TAFA2: variants seen among roughly 807,000 people sequenced by gnomAD.
TAFA2 encodes chemokine-like protein TAFA-2.
TAFA2 carries 7 observed loss-of-function variants against 18.8 expected under a neutral mutation model. The observed-to-expected ratio is 0.37, with a 90% confidence interval of 0.21 to 0.70. The LOEUF (loss-of-function observed/expected upper bound fraction) is 0.70. Among genes scored for constraint, TAFA2 ranks in the 30% least tolerant of loss-of-function variants. The probability of loss-of-function intolerance (pLI) is 0.53; values close to 1 mark genes in which losing one functional copy is unlikely to be tolerated. For missense variants in TAFA2, 122 were observed against 158.1 expected, an observed-to-expected ratio of 0.77 and a Z score of 1.23; for synonymous variants, 60 against 54.2, an observed-to-expected ratio of 1.11 and a Z score of -0.47.
chr12:62,000,658 T>C (rs1880348360), intron 1 of TAFA2, among the ~76,000 whole-genome samples: 1 of 114,598 alleles, frequency 8.7e-6, no homozygotes, highest in Non-Finnish European at 1.9e-5. Context: ...AGCAGTATTA[T>C]GTGGAATATC....
intron 2 of TAFA2, among the ~76,000 whole-genome samples, chr12:61,788,324 C>T (rs1282305412): frequency 6.6e-6 from 1 of 151,634 alleles, no homozygotes; most frequent in East Asian, 1.9e-4. Context: ...CAAAGAAACA[C>T]TGAATTTAAA....
At chr12:61,888,044 C>A (rs374828072) in intron 1 of TAFA2, among the ~76,000 whole-genome samples, 1 of 151,804 alleles carries the variant, frequency 6.6e-6, no homozygotes, top group Non-Finnish European at 1.5e-5. Flanking sequence ...CATCTCACAC[C>A]AGTTAGAATG....
At chr12:62,050,806 G>C (rs561803372) in intron 1 of TAFA2, among the ~76,000 whole-genome samples, 3 of 152,228 alleles carry the variant, frequency 2.0e-5, no homozygotes, top group African/African-American at 7.2e-5. Context: ...CACATCAGTA[G>C]CTTGAATCAG....
At chr12:61,805,423 T>C (rs541040627) in intron 2 of TAFA2, among the ~76,000 whole-genome samples, 1 of 152,084 alleles carries the variant, frequency 6.6e-6, no homozygotes, top group Non-Finnish European at 1.5e-5. Flanking sequence ...CATGCCATAC[T>C]ATATTTACAA....
intron 1 of TAFA2, among the ~76,000 whole-genome samples, chr12:62,037,160 T>C (rs1022515881): frequency 6.6e-6 from 1 of 152,252 alleles, no homozygotes; most frequent in Non-Finnish European, 1.5e-5. Context: ...GCTTAGTGCC[T>C]CTACCTCCAG....
At chr12:62,084,010 G>A (rs1053490555) in intron 1 of TAFA2, among the ~76,000 whole-genome samples, 4 of 152,146 alleles carry the variant, frequency 2.6e-5, no homozygotes, top group African/African-American at 9.7e-5. Flanking sequence ...TTCTCAGGGT[G>A]TTTTTAAACT....
intron 2 of TAFA2, among the ~76,000 whole-genome samples, chr12:61,857,582 C>A (rs577285358): frequency 1.3e-5 from 2 of 152,214 alleles, no homozygotes; most frequent in African/African-American, 4.8e-5. Flanking sequence ...ATTTCCCAGG[C>A]TGCTCTGCCA....
At chr12:62,065,091 A>C (rs1882451225) in intron 1 of TAFA2, among the ~76,000 whole-genome samples, 1 of 152,160 alleles carries the variant, frequency 6.6e-6, no homozygotes, top group South Asian at 2.1e-4. Flanking sequence ...TCAAGATTAA[A>C]ATCACACAGC....
intron 2 of TAFA2, among the ~76,000 whole-genome samples, chr12:61,762,126 A>G (rs1305886657): frequency 6.6e-6 from 1 of 152,094 alleles, no homozygotes; most frequent in African/African-American, 2.4e-5. Context: ...ATCCTGTAGA[A>G]CCATGAGCCA....
At position 61,825,792 on chromosome 12, in the gene TAFA2, A is replaced by T. The variant is rs1357555941; in HGVS notation, c.106+41528T>A. Among the ~76,000 whole-genome samples the T allele has an allele frequency of 3.3e-5, 5 of 152,136 alleles. No homozygotes were observed. The East Asian group carries it at 9.6e-4, about 29-fold the overall frequency. On this transcript the variant is annotated intron_variant, in intron 2 of 4. Coordinates refer to ENST00000416284, the MANE Select transcript of TAFA2 (RefSeq NM_178539.5). ...GACGCCATAGAAAAAGATAAAGCAC[A>T]AATTTTAAATATAATTTCATTATTT...
chr12:62,099,330 A>G (rs540018988), intron 1 of TAFA2, among the ~76,000 whole-genome samples: 5 of 152,158 alleles, frequency 3.3e-5, no homozygotes, highest in African/African-American at 1.2e-4. Context: ...CATTTAACAC[A>G]AAAATGTGAT....
intron 1 of TAFA2, among the ~76,000 whole-genome samples, chr12:61,921,873 A>G (rs575415983): frequency 3.9e-5 from 6 of 152,320 alleles, no homozygotes; most frequent in Admixed American, 2.6e-4. Context: ...AGTAAATGAC[A>G]ATGAGACAAA....
intron 1 of TAFA2, among the ~76,000 whole-genome samples, chr12:61,926,968 G>A (rs138481840): frequency 1.1e-3 from 170 of 151,286 alleles, no homozygotes; most frequent in African/African-American, 3.9e-3. Context: ...CCAGCTACTC[G>A]GGAGGCTGAG....
intron 1 of TAFA2, among the ~76,000 whole-genome samples, chr12:62,170,020 G>A (rs1300509757): frequency 6.6e-6 from 1 of 151,994 alleles, no homozygotes; most frequent in Non-Finnish European, 1.5e-5. Context: ...ACCAAGTTAA[G>A]ATTCTAAGAT....
At chr12:61,738,355 T>C (rs967610683) in intron 4 of TAFA2, among the ~76,000 whole-genome samples, 3 of 147,216 alleles carry the variant, frequency 2.0e-5, no homozygotes, top group African/African-American at 5.0e-5. Flanking sequence ...CCCAGGCTAA[T>C]ACTCCTCCCT....
rs1169518235 is a variant in TAFA2, at chr12:62,236,705, T to G, written c.-130+22058A>C. 3.3e-5 allele frequency among the ~76,000 whole-genome samples: 5 copies of G among 152,372 alleles called. No individual in the cohort carries two copies. In the East Asian group the frequency reaches 9.6e-4, roughly 29 times the overall value. On this transcript the variant is annotated intron_variant, in intron 1 of 5. Coordinates refer to the TAFA2 transcript ENST00000551619. ...GGGAAGACTTTATCTCTGCTTTATG[T>G]TTGAAGGAAAGCTTTGTTAGGTACA...
intron 1 of TAFA2, among the ~76,000 whole-genome samples, chr12:61,934,845 A>C (rs1197272942): frequency 6.6e-6 from 1 of 152,210 alleles, no homozygotes; most frequent in Non-Finnish European, 1.5e-5. Flanking sequence ...TAAATATATA[A>C]AATTGATTGA....
chr12:62,213,246 A>C (rs1318781356), intron 1 of TAFA2, among the ~76,000 whole-genome samples: 2 of 152,210 alleles, frequency 1.3e-5, no homozygotes, highest in Non-Finnish European at 2.9e-5. Context: ...AATTCAGGTA[A>C]AAACAAAATC....
intron 1 of TAFA2, among the ~76,000 whole-genome samples, chr12:62,204,609 T>C (rs1383280267): frequency 2.0e-5 from 3 of 152,220 alleles, no homozygotes; most frequent in Non-Finnish European, 4.4e-5. Context: ...TTTCGTCTGC[T>C]TGGTCTAGTT....
Sources: gnomAD v4.1 joint callset for allele counts (sites outside exome capture counted in the v4.1 genomes callset) on GRCh38, gnomAD v4.1.1 for gene constraint, MANE v1.5 for transcripts, NCBI Gene and HGNC (gene_info 2026-07-23, HGNC 2026-07-21) for gene names.